Variants in RBM34 observed in about 807,000 individuals in gnomAD.
RBM34 encodes the protein RNA-binding protein 34.
Under a neutral mutation model 44.6 loss-of-function variants are expected in RBM34, and 39 were observed. The ratio of observed to expected loss-of-function variants is 0.87; its 90% confidence interval spans 0.68 to 1.14. The LOEUF (loss-of-function observed/expected upper bound fraction) is 1.14. Among genes scored for constraint, RBM34 ranks in the 50% most tolerant of loss-of-function variants. The pLI, the probability that RBM34 is intolerant of heterozygous loss-of-function variation, is 0.00. For missense variants in RBM34, 572 were observed against 517.9 expected, an observed-to-expected ratio of 1.10 and a Z score of -1.01; for synonymous variants, 194 against 184.0, an observed-to-expected ratio of 1.05 and a Z score of -0.44.
intron 5 of RBM34, 127 bp downstream of exon 5, chr1:235,152,579 G>A (rs1662210090): frequency 4.1e-5 from 59 of 1,443,706 alleles, no homozygotes; most frequent in Non-Finnish European, 5.2e-5. Flanking sequence ...CTTTTCTTGG[G>A]TTAAATTTGA....
chr1:235,149,029 T>A (rs1397743933), intron 5 of RBM34, among the ~76,000 whole-genome samples: 1 of 151,896 alleles, frequency 6.6e-6, no homozygotes, highest in Non-Finnish European at 1.5e-5. Flanking sequence ...GCTCTCAAAT[T>A]GCATCAGATG....
chr1:235,149,060 AG>A (rs1181823287), intron 5 of RBM34, among the ~76,000 whole-genome samples: 1 of 152,100 alleles, frequency 6.6e-6, no homozygotes, highest in Non-Finnish European at 1.5e-5. Context: ...GGAGGACTCC[AG>A]GAAGAGACAC....
At chr1:235,134,171 C>T (rs556144446) in intron 10 of RBM34, among the ~76,000 whole-genome samples, 3 of 152,148 alleles carry the variant, frequency 2.0e-5, no homozygotes, top group East Asian at 1.9e-4. Context: ...TACAGGCATG[C>T]ACCACCACGC....
chr1:235,134,914 T>C (rs973201672), intron 10 of RBM34, among the ~76,000 whole-genome samples: 39 of 151,468 alleles, frequency 2.6e-4, no homozygotes, highest in African/African-American at 9.0e-4. Flanking sequence ...CCAGCTAATT[T>C]TGTATTTTTA....
intron 6 of RBM34, among the ~76,000 whole-genome samples, chr1:235,138,776 T>C (rs1661545452): frequency 6.6e-6 from 1 of 151,678 alleles, no homozygotes; most frequent in African/African-American, 2.4e-5. Context: ...GTCTTGTCTA[T>C]ACTTTTGACC....
Position 235,160,658 on chromosome 1 carries a change from GTT to G in RBM34, c.229-13_229-12del. On this transcript the variant is annotated splice_polypyrimidine_tract_variant and intron_variant, in intron 2 of 10. Transcript: ENST00000408888. ...TTTTTTGATGGTTTGCTTTTTAAAA[GTT>G]TGAAGTTATATTTGAGACCCCATAC... 6.2e-7 allele frequency: 1 copy of G among 1,608,460 alleles called. No individual in the cohort carries two copies. The highest frequency in any genetic ancestry group is 8.5e-7 in the Non-Finnish European group (1 of 1,178,300).
In RBM34 at chr1:235,131,754, TCTGTC is replaced by T. The variant is rs780816275; in HGVS notation, c.1247_1251del (p.Gly416GlufsTer7). 2 of 1,607,072 alleles carry T rather than the reference TCTGTC, an allele frequency of 1.2e-6. No individual in the cohort carries two copies. Among genetic ancestry groups the T allele is most frequent in the African/African-American group, 2.7e-5 (2 of 74,260 alleles). ...TGTTTCTTAGGGCGTCCACTTTTCT[TCTGTC>T]CTTTCTTCTTCGTTTTAAGGAGAAC... is the stretch of plus-strand genomic sequence containing the variant. On this transcript the variant is annotated frameshift_variant, in exon 11 of 11. Transcript: ENST00000408888. LOFTEE classifies it high-confidence loss of function.
chr1:235,132,376 T>G (rs748432782), intron 10 of RBM34, among the ~76,000 whole-genome samples: 7 of 152,306 alleles, frequency 4.6e-5, no homozygotes, highest in Non-Finnish European at 7.4e-5. Context: ...TGGCACGATC[T>G]CGGCTCACTG....
intron 8 of RBM34, among the ~76,000 whole-genome samples, chr1:235,137,488 C>T (rs1395653103): frequency 6.6e-6 from 1 of 152,132 alleles, no homozygotes; most frequent in South Asian, 2.1e-4. Flanking sequence ...GGTGCTCCCA[C>T]CTCAGCCTTC....
chr1:235,141,623 TA>T (rs1661686033), intron 6 of RBM34, among the ~76,000 whole-genome samples: 1 of 152,088 alleles, frequency 6.6e-6, no homozygotes, highest in Middle Eastern at 3.2e-3. Flanking sequence ...CTCTTTGCAA[TA>T]AATCTTGCTA....
At chr1:235,148,610 T>C (rs1008790232) in intron 5 of RBM34, among the ~76,000 whole-genome samples, 163 bp from the exon 6 acceptor site, 16 of 151,758 alleles carry the variant, frequency 1.1e-4, no homozygotes, top group Admixed American at 6.6e-4. Flanking sequence ...TTTTTTTTTT[T>C]CCTGTTGAGA....
chr1:235,153,049 T>C (rs1276121360), intron 4 of RBM34, among the ~76,000 whole-genome samples: 1 of 152,152 alleles, frequency 6.6e-6, no homozygotes, highest in Admixed American at 6.5e-5. Context: ...TTCGTATTTT[T>C]AGTAGAGACG....
rs1419233603 is a variant in RBM34 at position 235,160,970 on chromosome 1, C to T, written c.151G>A (p.Gly51Ser). Residue 51 changes from glycine to serine, a missense_variant, in exon 2 of 11, where the codon GGT becomes AGT. Coordinates refer to ENST00000408888, the MANE Select transcript of RBM34 (RefSeq NM_015014.4). ...AGGGACGCCAGCCGACCGGTGCCACCTCTGGAATGGTGTTCGCCGCGAAAT... is the reference window on the plus strand; with the variant it reads ...AGGGACGCCAGCCGACCGGTGCCACTTCTGGAATGGTGTTCGCCGCGAAAT... ...SLFRGEHHSRGGTGRLASLFS... is the reference protein window; with the variant it reads ...SLFRGEHHSRSGTGRLASLFS... 6.2e-7 allele frequency: 1 copy of T among 1,614,188 alleles called. No homozygotes were observed. Among genetic ancestry groups the T allele is most frequent in the Non-Finnish European group, 8.5e-7 (1 of 1,180,046 alleles).
intron 6 of RBM34, among the ~76,000 whole-genome samples, chr1:235,144,769 G>A (rs181924603): frequency 2.0e-5 from 3 of 152,234 alleles, no homozygotes; most frequent in Admixed American, 1.3e-4. Flanking sequence ...AAGGCCCAGC[G>A]CGGTGGCTCA....
chr1:235,157,079 G>A (rs1270145959), intron 3 of RBM34, among the ~76,000 whole-genome samples: 1 of 152,214 alleles, frequency 6.6e-6, no homozygotes, highest in East Asian at 1.9e-4. Flanking sequence ...ACCAGGTCAG[G>A]AGAGACCTTC....
intron 6 of RBM34, among the ~76,000 whole-genome samples, chr1:235,146,508 T>C (rs1661913733): frequency 6.6e-6 from 1 of 152,202 alleles, no homozygotes; most frequent in Non-Finnish European, 1.5e-5. Flanking sequence ...AGAACATCTA[T>C]GCGTATCAGT....
chr1:235,159,011 G>C (rs908396892), intron 3 of RBM34, among the ~76,000 whole-genome samples: 2 of 150,850 alleles, frequency 1.3e-5, no homozygotes, highest in African/African-American at 4.9e-5. Context: ...CCAGCAGTTT[G>C]CGACCAGCCT....
At position 235,154,772 on chromosome 1, in the gene RBM34, G is replaced by T. The variant is rs979236435; in HGVS notation, c.597+109C>A. 9.2e-6 allele frequency: 8 copies of T among 871,086 alleles called. No homozygotes were observed. In the African/African-American group the frequency reaches 1.4e-4, roughly 15 times the overall value. The allele number at this position is 871,086 out of a possible 1,614,324, so 54.0% of individuals were successfully genotyped here. A position where few individuals can be genotyped will look rare whatever the true frequency, so the allele number is the denominator to read the frequency against. ...ATCCATTCATATTAGGATGATTTAT[G>T]TAATAATTTACAATGAAGTTATATC... On this transcript the variant is annotated intron_variant, in intron 4 of 10. Coordinates refer to ENST00000408888, the MANE Select transcript of RBM34 (RefSeq NM_015014.4).
At chr1:235,147,250 CAAAGAAACAAAAA>C (rs1393130626) in intron 6 of RBM34, among the ~76,000 whole-genome samples, 1 of 152,020 alleles carries the variant, frequency 6.6e-6, no homozygotes, top group East Asian at 1.9e-4. Context: ...CAAAACAAAA[CAAAGAAACAAAAA>C]AACAATGAGA....
Sources: allele counts gnomAD v4.1 joint callset (sites outside exome capture counted in the v4.1 genomes callset), GRCh38; gene constraint gnomAD v4.1.1; transcripts MANE v1.5; gene names NCBI Gene and HGNC (gene_info 2026-07-23, HGNC 2026-07-21).